XRCC4: variants seen among roughly 807,000 people sequenced by gnomAD.
The protein encoded by XRCC4 is DNA repair protein XRCC4.
XRCC4 carries 28 observed loss-of-function variants against 39.1 expected under a neutral mutation model. The ratio of observed to expected loss-of-function variants is 0.72; its 90% CI spans 0.53 to 0.98. XRCC4 has a LOEUF of 0.98. XRCC4 is among the 50% of genes least tolerant of loss of function. The pLI is 0.00. For synonymous variants in XRCC4, 123 were observed against 126.4 expected (o/e 0.97, Z 0.18); for missense variants, 350 against 376.4 (o/e 0.93, Z 0.58).
At chr5:83,360,658 A>T in the XRCC4 span, among the ~76,000 whole-genome samples, 58 of 152,188 alleles carry the variant, frequency 3.8e-4, no homozygotes, top group African/African-American at 1.3e-3. Flanking sequence ...ACATGCCACA[A>T]GTAGCTGCTG....
the XRCC4 span, among the ~76,000 whole-genome samples, chr5:83,371,735 A>G: frequency 3.3e-5 from 5 of 152,202 alleles, no homozygotes; most frequent in Admixed American, 2.6e-4. Context: ...TGATAAAAGG[A>G]AGACATTGTT....
intron 6 of XRCC4, among the ~76,000 whole-genome samples, chr5:83,218,052 TTTACC>T (rs1751931269): frequency 7.1e-6 from 1 of 140,750 alleles, no homozygotes; most frequent in Non-Finnish European, 1.5e-5. Flanking sequence ...CTTCTCAGTC[TTTACC>T]TTTTTTATAT....
chr5:83,133,299 A>C (rs1032952014), intron 3 of XRCC4, among the ~76,000 whole-genome samples: 1 of 152,056 alleles, frequency 6.6e-6, no homozygotes, highest in Non-Finnish European at 1.5e-5. Context: ...GTCGGCCCCT[A>C]CTGGGAGGTG....
intron 3 of XRCC4, among the ~76,000 whole-genome samples, chr5:83,126,786 C>A (rs1161993131): frequency 6.6e-6 from 1 of 152,140 alleles, no homozygotes. Flanking sequence ...GCCATGGGGG[C>A]AGGAATGTCC....
At chr5:83,203,872 G>A (rs1751313777) in intron 5 of XRCC4, among the ~76,000 whole-genome samples, 165 bp downstream of exon 5, 1 of 152,064 alleles carries the variant, frequency 6.6e-6, no homozygotes, top group Non-Finnish European at 1.5e-5. Context: ...GGGCTAGAGA[G>A]TTCTCAGCAT....
At chr5:83,186,168 T>C (rs1338873351) in intron 3 of XRCC4, among the ~76,000 whole-genome samples, 1 of 152,174 alleles carries the variant, frequency 6.6e-6, no homozygotes, top group Non-Finnish European at 1.5e-5. Context: ...GGCATATCTT[T>C]ATAGGACTGT....
the XRCC4 span, among the ~76,000 whole-genome samples, chr5:83,360,961 A>G: frequency 1.3e-5 from 2 of 152,306 alleles, no homozygotes; most frequent in South Asian, 4.1e-4. Flanking sequence ...TATATTCATG[A>G]AACAGAAATC....
chr5:83,157,116 A>G (rs1472462639), intron 3 of XRCC4, among the ~76,000 whole-genome samples: 2 of 152,140 alleles, frequency 1.3e-5, no homozygotes, highest in East Asian at 3.8e-4. Context: ...GCATAATTAA[A>G]AAAGGGAACT....
At chr5:83,349,978 A>G (rs1389953282) in intron 7 of XRCC4, among the ~76,000 whole-genome samples, 1 of 151,874 alleles carries the variant, frequency 6.6e-6, no homozygotes, top group African/African-American at 2.4e-5. Context: ...TGTATACCCA[A>G]TGTTTAGCTC....
At chr5:83,250,154 A>G (rs1753253786) in intron 6 of XRCC4, among the ~76,000 whole-genome samples, 1 of 152,168 alleles carries the variant, frequency 6.6e-6, no homozygotes, top group South Asian at 2.1e-4. Context: ...TAGCTGTTGA[A>G]AGCTGAGAAA....
chr5:83,301,015 A>G (rs1755265455), intron 7 of XRCC4, among the ~76,000 whole-genome samples: 1 of 152,120 alleles, frequency 6.6e-6, no homozygotes, highest in African/African-American at 2.4e-5. Flanking sequence ...ATTCTTTGCT[A>G]TTATGAACAG....
chr5:83,102,615 T>A (rs1317200965), intron 1 of XRCC4, among the ~76,000 whole-genome samples: 2 of 152,108 alleles, frequency 1.3e-5, no homozygotes, highest in Non-Finnish European at 2.9e-5. Context: ...TCTCATATGA[T>A]TGCAGAATAT....
intron 1 of XRCC4, among the ~76,000 whole-genome samples, chr5:83,092,706 A>G (rs972577985): frequency 6.6e-6 from 1 of 152,130 alleles, no homozygotes; most frequent in African/African-American, 2.4e-5. Flanking sequence ...TCAGGTTAAA[A>G]TAGACAGAAG....
At chr5:83,218,168 A>G (rs532327563) in intron 6 of XRCC4, among the ~76,000 whole-genome samples, 59 of 150,330 alleles carry the variant, frequency 3.9e-4, no homozygotes, top group African/African-American at 1.2e-3. Context: ...TGCTGCACCC[A>G]TTAACTCATC....
intron 3 of XRCC4, among the ~76,000 whole-genome samples, chr5:83,176,477 T>G (rs1297340330): frequency 6.6e-6 from 1 of 152,190 alleles, no homozygotes; most frequent in Non-Finnish European, 1.5e-5. Context: ...AAGGCTTATC[T>G]GTACTTTCTT....
chr5:83,366,754 C>T, the XRCC4 span, among the ~76,000 whole-genome samples: 14 of 152,148 alleles, frequency 9.2e-5, no homozygotes, highest in African/African-American at 3.4e-4. Context: ...ACCACTCCTG[C>T]TTTTGAACAT....
chr5:83,245,734 A>AG (rs1181774672), intron 6 of XRCC4, among the ~76,000 whole-genome samples: 2 of 152,086 alleles, frequency 1.3e-5, no homozygotes, highest in African/African-American at 4.8e-5. Context: ...ACATTTGAAA[A>AG]TATCTTATTT....
At chr5:83,079,944 T>C (rs1336410267) in intron 1 of XRCC4, among the ~76,000 whole-genome samples, 1 of 152,190 alleles carries the variant, frequency 6.6e-6, no homozygotes, top group Non-Finnish European at 1.5e-5. Context: ...TGTAGTTTTC[T>C]GTGGCGCCAG....
chr5:83,320,622 A>G (rs1486162101), intron 7 of XRCC4, among the ~76,000 whole-genome samples: 1 of 151,682 alleles, frequency 6.6e-6, no homozygotes, highest in Non-Finnish European at 1.5e-5. Flanking sequence ...CATGAACTTC[A>G]TTGTCTTATT....
Sources: allele counts gnomAD v4.1 joint callset (sites outside exome capture counted in the v4.1 genomes callset), GRCh38; gene constraint gnomAD v4.1.1; transcripts MANE v1.5; gene names NCBI Gene and HGNC (gene_info 2026-07-23, HGNC 2026-07-21).